Variants in PDZD2 observed in about 807,000 individuals in gnomAD.
PDZD2 encodes the protein PDZ domain containing 2.
PDZD2 carries 90 observed loss-of-function variants against 220.7 expected under a neutral mutation model. The observed-to-expected ratio is 0.41, with a 90% confidence interval of 0.34 to 0.49. The LOEUF is 0.49. PDZD2 is among the 20% of genes least tolerant of loss of function. PDZD2 has a pLI of 0.28. For missense variants in PDZD2, 3,174 were observed against 3,608.5 expected, an observed-to-expected ratio of 0.88 and a Z score of 3.08; for synonymous variants, 1,375 against 1,450.5, an observed-to-expected ratio of 0.95 and a Z score of 1.18.
intron 1 of PDZD2, among the ~76,000 whole-genome samples, chr5:31,662,529 G>A (rs75900810): frequency 2.8e-4 from 42 of 152,276 alleles, no homozygotes; most frequent in African/African-American, 9.6e-4. Context: ...TGAGATCAAG[G>A]CACCAGCAGA....
chr5:31,814,126 A>T (rs1755289545), intron 2 of PDZD2, among the ~76,000 whole-genome samples: 1 of 152,252 alleles, frequency 6.6e-6, no homozygotes, highest in African/African-American at 2.4e-5. Flanking sequence ...GTACCAGAAA[A>T]GATGTATTTT....
intron 19 of PDZD2, among the ~76,000 whole-genome samples, 199 bp from the exon 20 acceptor site, chr5:32,086,932 A>G: frequency 7.4e-6 from 1 of 135,596 alleles, no homozygotes. Context: ...CAGGTGATCC[A>G]CCCGCCTCCG....
intron 2 of PDZD2, among the ~76,000 whole-genome samples, chr5:31,901,786 C>T (rs1742127803): frequency 6.6e-6 from 1 of 152,222 alleles, no homozygotes; most frequent in African/African-American, 2.4e-5. Context: ...ACAAACTCCT[C>T]AGCCCCTGTC....
Position 32,074,454 on chromosome 5 carries a change from C to A in PDZD2, c.3348C>A (p.Ser1116=). 3.1e-6 allele frequency: 5 copies of A among 1,614,094 alleles called. No individual in the cohort carries two copies. The highest frequency in any genetic ancestry group is 4.2e-6 in the Non-Finnish European group (5 of 1,179,914). ...SPQQKSEGLG[S]RHRPVARVSP... ...AGCAGAAAAGTGAAGGCCTGGGCTC[C>A]AGGCACAGACCAGTGGCCAGGGTAA... Residue 1116 remains serine, a synonymous_variant, in exon 18 of 25, where the codon TCC becomes TCA. Coordinates refer to ENST00000438447, the MANE Select transcript of PDZD2 (RefSeq NM_178140.4).
At chr5:31,766,217 T>A (rs916643670) in intron 1 of PDZD2, among the ~76,000 whole-genome samples, 2 of 152,084 alleles carry the variant, frequency 1.3e-5, no homozygotes, top group Non-Finnish European at 2.9e-5. Context: ...CCTGATTGGT[T>A]TTTGCTGGAC....
chr5:31,759,182 G>A (rs1427174531), intron 1 of PDZD2, among the ~76,000 whole-genome samples: 1 of 151,830 alleles, frequency 6.6e-6, no homozygotes, highest in Non-Finnish European at 1.5e-5. Flanking sequence ...ATTTCTGGGA[G>A]CTGGGGAGGA....
At chr5:31,897,386 C>A (rs945783587) in intron 2 of PDZD2, among the ~76,000 whole-genome samples, 2 of 152,136 alleles carry the variant, frequency 1.3e-5, no homozygotes, top group African/African-American at 4.8e-5. Context: ...ACTAGCCAGC[C>A]AGTATGATCC....
chr5:31,748,841 G>A (rs941144572), intron 1 of PDZD2, among the ~76,000 whole-genome samples: 3 of 152,196 alleles, frequency 2.0e-5, no homozygotes, highest in Non-Finnish European at 4.4e-5. Context: ...CAGATTTTAG[G>A]TTACCTGGGC....
intron 1 of PDZD2, among the ~76,000 whole-genome samples, chr5:31,726,757 A>G (rs975288847): frequency 2.6e-5 from 4 of 152,224 alleles, no homozygotes; most frequent in Non-Finnish European, 5.9e-5. Context: ...TGTGTTCTAG[A>G]GCACAAGTTT....
rs1366062204 is a variant in PDZD2 at position 31,639,772 on chromosome 5, C to T, written c.-361+335C>T. On this transcript the variant is annotated intron_variant, in intron 1 of 24. Coordinates refer to ENST00000438447, the MANE Select transcript of PDZD2 (RefSeq NM_178140.4). The surrounding 1 kb of genome is among the most constrained non-coding windows in gnomAD (Gnocchi z 4.1). ...GGACCTCCTGCTCGGGCGCGCATCC[C>T]GGGTCCCCATCCCTGGGCCGTCTTC... is the stretch of plus-strand genomic sequence containing the variant. Among the ~76,000 whole-genome samples the T allele has an allele frequency of 1.3e-5, 2 of 152,172 alleles. No homozygotes were observed. The highest frequency in any genetic ancestry group is 1.9e-4 in the East Asian group (1 of 5,168).
intron 1 of PDZD2, among the ~76,000 whole-genome samples, chr5:31,723,087 C>T (rs1318501790): frequency 6.6e-6 from 1 of 152,196 alleles, no homozygotes; most frequent in Admixed American, 6.5e-5. Flanking sequence ...AGAACATGAA[C>T]ATTAACTGAA....
intron 1 of PDZD2, among the ~76,000 whole-genome samples, chr5:31,789,207 A>G (rs1753558753): frequency 6.6e-6 from 1 of 152,188 alleles, no homozygotes; most frequent in African/African-American, 2.4e-5. Flanking sequence ...AAGAAAAAGG[A>G]AAAAGAGACC....
intron 1 of PDZD2, among the ~76,000 whole-genome samples, chr5:31,737,385 G>A (rs1329218766): frequency 6.6e-6 from 1 of 151,974 alleles, no homozygotes; most frequent in Non-Finnish European, 1.5e-5. Context: ...TGTTAGCCAG[G>A]ATGGTCTTGA....
At chr5:32,002,942 AACAC>A (rs1292047724) in intron 5 of PDZD2, among the ~76,000 whole-genome samples, 1 of 81,978 alleles carries the variant, frequency 1.2e-5, no homozygotes, top group African/African-American at 5.1e-5. Context: ...ACACACCACG[AACAC>A]ACACACACCA....
chr5:31,745,633 A>T (rs1023311817), intron 1 of PDZD2, among the ~76,000 whole-genome samples: 1 of 152,084 alleles, frequency 6.6e-6, no homozygotes, highest in Non-Finnish European at 1.5e-5. Flanking sequence ...AAAGCATTCC[A>T]TTAGCCTTTT....
At chr5:31,880,947 G>T (rs557469036) in intron 2 of PDZD2, among the ~76,000 whole-genome samples, 1 of 150,962 alleles carries the variant, frequency 6.6e-6, no homozygotes, top group African/African-American at 2.4e-5. Context: ...GATTACAGGC[G>T]CCTACCACCA....
chr5:31,679,036 T>G (rs1203494915), intron 1 of PDZD2, among the ~76,000 whole-genome samples: 1 of 152,206 alleles, frequency 6.6e-6, no homozygotes, highest in African/African-American at 2.4e-5. Flanking sequence ...TCAAAAAAAT[T>G]TTCCCTGCCG....
In PDZD2 at chr5:32,000,235, C is replaced by T. The variant is rs753144794; in HGVS notation, c.1218C>T (p.Ser406=). Residue 406 remains serine (S), a synonymous_variant, in exon 5 of 25, where the codon TCC becomes TCT. Coordinates refer to ENST00000438447, the MANE Select transcript of PDZD2 (RefSeq NM_178140.4). This position sits in a 1 kb window ranked among gnomAD's most constrained non-coding sequence, Gnocchi z 4.5. ...SHEEAVAILR[S]ATGMVQLVVA... ...AGGAAGCAGTGGCCATTCTTCGCTC[C>T]GCCACGGGAATGGTGCAGCTTGTGG... is the stretch of plus-strand genomic sequence containing the variant. 2.7e-5 allele frequency: 44 copies of T among 1,614,048 alleles called. No individual in the cohort carries two copies. The highest frequency in any genetic ancestry group is 2.4e-4 in the South Asian group (22 of 91,094).
intron 1 of PDZD2, among the ~76,000 whole-genome samples, chr5:31,690,422 G>A (rs1747070979): frequency 6.6e-6 from 1 of 152,112 alleles, no homozygotes; most frequent in Non-Finnish European, 1.5e-5. Context: ...GTGTCCTGGA[G>A]CTGCAATGAC....
Sources: gnomAD v4.1 joint callset for allele counts (sites outside exome capture counted in the v4.1 genomes callset) on GRCh38, gnomAD v4.1.1 for gene constraint, Gnocchi (gnomAD v3.1) non-coding constraint, MANE v1.5 for transcripts, NCBI Gene and HGNC (gene_info 2026-07-23, HGNC 2026-07-21) for gene names.